Variants in IQSEC1 observed in about 807,000 individuals in gnomAD.
IQSEC1 encodes the protein IQ motif and SEC7 domain-containing protein 1.
Under a neutral mutation model 91.0 loss-of-function variants are expected in IQSEC1, and 31 were observed. The ratio of observed to expected loss-of-function variants is 0.34; its 90% CI spans 0.26 to 0.46. The LOEUF is 0.46. Among genes scored for constraint, IQSEC1 ranks in the 20% least tolerant of loss-of-function variants. The pLI is 1.00. For synonymous variants in IQSEC1, 699 were observed against 662.6 expected (o/e 1.05, Z -0.84); for missense variants, 1,388 against 1,575.6 (o/e 0.88, Z 2.02).
chr3:13,270,925 G>A (rs1695580650), intron 1 of IQSEC1, among the ~76,000 whole-genome samples: 1 of 152,080 alleles, frequency 6.6e-6, no homozygotes, highest in African/African-American at 2.4e-5. Context: ...ACACAAATAG[G>A]CTGAAAATGA....
chr3:13,269,930 CAGA>C (rs1695565385), intron 1 of IQSEC1, among the ~76,000 whole-genome samples: 1 of 152,186 alleles, frequency 6.6e-6, no homozygotes, highest in African/African-American at 2.4e-5. Context: ...TCTGGGACTC[CAGA>C]GGTCCAATCA....
At chr3:13,244,245 T>G (rs576565088) in intron 1 of IQSEC1, among the ~76,000 whole-genome samples, 1 of 152,318 alleles carries the variant, frequency 6.6e-6, no homozygotes, top group East Asian at 1.9e-4. Context: ...CAGGCTGAAG[T>G]GCAGCAGTGC....
chr3:13,060,040 T>A lies in IQSEC1; in HGVS notation c.23+12952A>T, dbSNP rs183526488. Reference sequence around the variant, plus strand: ...ATGGCATCCAGGCAGCGGGAACGACTGTGCTGAGTGCCACTACGATGTGCT... The same window carrying A: ...ATGGCATCCAGGCAGCGGGAACGACAGTGCTGAGTGCCACTACGATGTGCT... On this transcript the variant is annotated intron_variant, in intron 1 of 13. Transcript: ENST00000613206. Among the ~76,000 whole-genome samples the A allele has an allele frequency of 4.2e-3, 634 of 152,350 alleles. 45 individuals carry two copies. In the South Asian group the frequency reaches 0.11, roughly 27 times the overall value.
intron 2 of IQSEC1, among the ~76,000 whole-genome samples, chr3:13,122,508 C>A (rs1359924639): frequency 6.6e-6 from 1 of 151,356 alleles, no homozygotes; most frequent in African/African-American, 2.4e-5. Context: ...ATGAAGAAGG[C>A]AGGGAGGGAG....
intron 1 of IQSEC1, among the ~76,000 whole-genome samples, chr3:12,961,600 CCT>C (rs1314318026): frequency 6.6e-6 from 1 of 152,290 alleles, no homozygotes; most frequent in East Asian, 1.9e-4. Flanking sequence ...TCTCTGCACC[CCT>C]CTCTTTTAAC....
At chr3:13,026,860 C>T (rs1269192162) in intron 1 of IQSEC1, among the ~76,000 whole-genome samples, 1 of 134,336 alleles carries the variant, frequency 7.4e-6, no homozygotes, top group Admixed American at 7.7e-5. Flanking sequence ...TTATTATCTC[C>T]CCAGTTTTTT....
At chr3:12,907,940 C>T (rs772766419) in intron 12 of IQSEC1, among the ~76,000 whole-genome samples, 11 of 152,250 alleles carry the variant, frequency 7.2e-5, no homozygotes, top group Non-Finnish European at 1.3e-4. Context: ...GGGCGCCAGA[C>T]AGATTAGAGG....
At chr3:12,988,316 G>A (rs1361762702) in intron 1 of IQSEC1, among the ~76,000 whole-genome samples, 1 of 152,188 alleles carries the variant, frequency 6.6e-6, no homozygotes, top group African/African-American at 2.4e-5. Flanking sequence ...TGGGGAGGCT[G>A]CGGCAGGAGA....
intron 1 of IQSEC1, among the ~76,000 whole-genome samples, chr3:13,190,310 G>A (rs535038120): frequency 4.6e-5 from 7 of 152,284 alleles, no homozygotes; most frequent in Non-Finnish European, 8.8e-5. Context: ...CCTGGCTCAC[G>A]CCCGAAATCC....
chr3:13,044,442 G>A (rs1704412308), intron 1 of IQSEC1, among the ~76,000 whole-genome samples: 1 of 152,214 alleles, frequency 6.6e-6, no homozygotes, highest in Non-Finnish European at 1.5e-5. Context: ...TGGATGGCTG[G>A]AAAGGGAAAG....
At chr3:13,266,578 C>G (rs971873959) in intron 1 of IQSEC1, among the ~76,000 whole-genome samples, 2 of 150,776 alleles carry the variant, frequency 1.3e-5, no homozygotes, top group Non-Finnish European at 3.0e-5. Context: ...GGGGAGGAAG[C>G]AGCTTTTTTT....
intron 1 of IQSEC1, among the ~76,000 whole-genome samples, chr3:13,230,003 G>C (rs917991131): frequency 6.6e-6 from 1 of 152,090 alleles, no homozygotes; most frequent in African/African-American, 2.4e-5. Flanking sequence ...AAATATGAGG[G>C]GACTTCAAGA....
At chr3:13,120,857 G>C (rs113924971) in intron 2 of IQSEC1, among the ~76,000 whole-genome samples, 72 of 152,314 alleles carry the variant, frequency 4.7e-4, no homozygotes, top group African/African-American at 1.5e-3. Flanking sequence ...GCAGAACTTA[G>C]TCATGAATTA....
At chr3:13,156,426 C>T (rs950884218) in intron 2 of IQSEC1, among the ~76,000 whole-genome samples, 1 of 152,118 alleles carries the variant, frequency 6.6e-6, no homozygotes, top group Non-Finnish European at 1.5e-5. Context: ...GTCATTTGGG[C>T]TCAACATAGT....
Position 12,970,710 on chromosome 3 carries a change from C to G in IQSEC1, c.24-28845G>C, listed in dbSNP as rs1251558484. Among the ~76,000 whole-genome samples, 1 of 152,212 alleles carries G rather than the reference C, an allele frequency of 6.6e-6. No individual in the cohort carries two copies. Among genetic ancestry groups the G allele is most frequent in the Non-Finnish European group, 1.5e-5 (1 of 68,038 alleles). On this transcript the variant is annotated intron_variant, in intron 1 of 13. Coordinates refer to ENST00000613206, the MANE Select transcript of IQSEC1 (RefSeq NM_001134382.3). This position sits in a 1 kb window ranked among gnomAD's most constrained non-coding sequence, Gnocchi z 4.4. ...TCCCCACACTCCCCACTGTGCCTGGCTCACAGCTAGGACCTTGGTTTTCAG... is the reference window on the plus strand; with the variant it reads ...TCCCCACACTCCCCACTGTGCCTGGGTCACAGCTAGGACCTTGGTTTTCAG...
intron 2 of IQSEC1, among the ~76,000 whole-genome samples, chr3:13,097,053 G>A (rs1464809924): frequency 2.6e-5 from 4 of 151,952 alleles, no homozygotes; most frequent in African/African-American, 9.7e-5. Context: ...GTAGAGACGG[G>A]GTTTCACCGT....
intron 1 of IQSEC1, among the ~76,000 whole-genome samples, chr3:13,164,825 T>A (rs1693452681): frequency 6.6e-6 from 1 of 152,214 alleles, no homozygotes. Context: ...GCTTCCTGGG[T>A]CTGAAGGAGC....
At chr3:12,963,459 G>T (rs1279483949) in intron 1 of IQSEC1, among the ~76,000 whole-genome samples, 1 of 152,242 alleles carries the variant, frequency 6.6e-6, no homozygotes, top group Non-Finnish European at 1.5e-5. Flanking sequence ...AAAACTGTGA[G>T]GAATCATTTT....
At chr3:13,275,354 T>A (rs1446260700) in intron 1 of IQSEC1, among the ~76,000 whole-genome samples, 1 of 152,194 alleles carries the variant, frequency 6.6e-6, no homozygotes, top group Non-Finnish European at 1.5e-5. Context: ...TAGGCCCAGC[T>A]TGGAGGGCAG....
Sources: gnomAD v4.1 joint callset for allele counts (sites outside exome capture counted in the v4.1 genomes callset) on GRCh38, gnomAD v4.1.1 for gene constraint, Gnocchi (gnomAD v3.1) non-coding constraint, MANE v1.5 for transcripts, NCBI Gene and HGNC (gene_info 2026-07-23, HGNC 2026-07-21) for gene names.